Variants in KATNIP observed in about 807,000 individuals in gnomAD.
KATNIP encodes katanin interacting protein, also known as katanin-interacting protein.
Under a neutral mutation model 174.0 loss-of-function variants are expected in KATNIP, and 126 were observed. The observed-to-expected ratio is 0.72, with a 90% confidence interval of 0.63 to 0.84. The LOEUF is 0.84. Among genes scored for constraint, KATNIP ranks in the 40% least tolerant of loss-of-function variants. The pLI, the probability that KATNIP is intolerant of heterozygous loss-of-function variation, is 0.00. For missense variants in KATNIP, 1,958 were observed against 2,109.7 expected, an observed-to-expected ratio of 0.93 and a Z score of 1.41; for synonymous variants, 810 against 835.7, an observed-to-expected ratio of 0.97 and a Z score of 0.53.
intron 5 of KATNIP, among the ~76,000 whole-genome samples, chr16:27,645,343 G>A (rs2076927739): frequency 1.3e-5 from 2 of 152,136 alleles, no homozygotes; most frequent in East Asian, 1.9e-4. Context: ...TTTGGAAACC[G>A]GGCTCAGGGA....
At chr16:27,756,913 T>C (rs929415997) in intron 18 of KATNIP, among the ~76,000 whole-genome samples, 11 of 152,266 alleles carry the variant, frequency 7.2e-5, no homozygotes, top group African/African-American at 2.4e-4. Flanking sequence ...ACACCATCCA[T>C]GTGGAAAGTC....
At chr16:27,655,824 TCA>T (rs1381654746) in intron 6 of KATNIP, among the ~76,000 whole-genome samples, 1 of 152,170 alleles carries the variant, frequency 6.6e-6, no homozygotes, top group African/African-American at 2.4e-5. Context: ...TCCTTACAAT[TCA>T]CAGTCACAGG....
At chr16:27,722,978 G>T (rs553614606) in intron 14 of KATNIP, among the ~76,000 whole-genome samples, 2 of 152,180 alleles carry the variant, frequency 1.3e-5, no homozygotes, top group South Asian at 4.1e-4. Context: ...AAAGGAGCCC[G>T]CCTCAGGCTG....
chr16:27,626,412 A>G (rs2076335092), intron 3 of KATNIP, among the ~76,000 whole-genome samples: 1 of 152,204 alleles, frequency 6.6e-6, no homozygotes, highest in African/African-American at 2.4e-5. Context: ...GACCAAACAT[A>G]TGGCATTTTC....
At position 27,779,365 on chromosome 16, in the gene KATNIP, C is replaced by T. The variant is rs1039166301; in HGVS notation, c.*736C>T. 2.6e-5 allele frequency: 4 copies of T among 152,492 alleles called. No homozygotes were observed. Among genetic ancestry groups the T allele is most frequent in the African/African-American group, 7.2e-5 (3 of 41,464 alleles). 9.4% of individuals were successfully genotyped at this position (152,492 alleles called of 1,614,324 possible). A position where few individuals can be genotyped will look rare whatever the true frequency, so the allele number is the denominator to read the frequency against. ...CCACTCTGGCAGGCCAGGGTATCAT[C>T]TGCGTGCTGCTGCCGGGCCAGGAAG... On this transcript the variant is annotated 3_prime_UTR_variant, in exon 28 of 28. Transcript: ENST00000261588.
intron 3 of KATNIP, among the ~76,000 whole-genome samples, chr16:27,618,802 C>A (rs914312324): frequency 3.3e-5 from 5 of 152,210 alleles, no homozygotes; most frequent in African/African-American, 1.2e-4. Flanking sequence ...AGGGCTTGTG[C>A]AAGAACCACC....
chr16:27,770,081 G>T, intron 21 of KATNIP, 63 bp downstream of exon 21: 1 of 1,565,178 alleles, frequency 6.4e-7, no homozygotes. Context: ...TGCTTTGCAA[G>T]TTGCTCTGAT....
At chr16:27,743,462 T>C (rs1234406597) in intron 15 of KATNIP, among the ~76,000 whole-genome samples, 1 of 152,150 alleles carries the variant, frequency 6.6e-6, no homozygotes, top group Non-Finnish European at 1.5e-5. Flanking sequence ...TTTTTGCTGC[T>C]CACCCCTTCT....
Position 27,637,102 on chromosome 16 carries a change from A to G in KATNIP, c.408+5940A>G, listed in dbSNP as rs1348588419. On this transcript the variant is annotated intron_variant, in intron 5 of 27. Coordinates refer to ENST00000261588, the MANE Select transcript of KATNIP (RefSeq NM_015202.5). The surrounding 1 kb of genome is among the most constrained non-coding windows in gnomAD (Gnocchi z 4.7). ...TTAATGAGGGCAATTAATGAGGATCAGTGGGGTCTGTGTTTGGAGAGAAGC... is the reference window on the plus strand; with the variant it reads ...TTAATGAGGGCAATTAATGAGGATCGGTGGGGTCTGTGTTTGGAGAGAAGC... Among the ~76,000 whole-genome samples the G allele has an allele frequency of 2.6e-5, 4 of 152,196 alleles. No homozygotes were observed. The highest frequency in any genetic ancestry group is 3.9e-4 in the East Asian group (2 of 5,180).
intron 1 of KATNIP, among the ~76,000 whole-genome samples, chr16:27,570,830 C>G (rs1424601900): frequency 1.3e-5 from 2 of 151,884 alleles, no homozygotes; most frequent in African/African-American, 4.8e-5. Flanking sequence ...TAGGCAAATA[C>G]TAGTATACAG....
rs142725579 is a variant in KATNIP, at chr16:27,597,556, C to T, written c.64-20869C>T. On this transcript the variant is annotated intron_variant, in intron 2 of 27. Transcript: ENST00000261588. ...CTTGATGTTATCTGCTCTTTTATTT[C>T]TTAACCTGTTGCATCGGATTCCCTG... Among the ~76,000 whole-genome samples, 33 of 152,072 alleles carry T rather than the reference C, an allele frequency of 2.2e-4. 1 individual carries two copies. The highest frequency in any genetic ancestry group is 6.5e-4 in the Admixed American group (10 of 15,278).
rs147859737 is a variant in KATNIP at position 27,741,187 on chromosome 16, T to G, written c.2623+267T>G. On this transcript the variant is annotated intron_variant, in intron 15 of 27. Coordinates refer to ENST00000261588, the MANE Select transcript of KATNIP (RefSeq NM_015202.5). ...CTTTGCCCATTTTTCTTGCAACACA[T>G]GGCTTTTCCAAGCCATTTTCCAAAA... 2.4e-3 allele frequency among the ~76,000 whole-genome samples: 370 copies of G among 152,344 alleles called. 2 individuals carry two copies. Among genetic ancestry groups the G allele is most frequent in the Non-Finnish European group, 4.3e-3 (291 of 68,026 alleles).
chr16:27,626,761 A>G (rs1390356368), intron 3 of KATNIP, among the ~76,000 whole-genome samples: 7 of 152,100 alleles, frequency 4.6e-5, no homozygotes, highest in Admixed American at 2.6e-4. Context: ...AGCCTGGCCA[A>G]CATGGTGAAA....
rs765813313 is a variant in KATNIP at position 27,761,413 on chromosome 16, G to A, written c.3632G>A (p.Cys1211Tyr). ...TPEPGIYHGI[C>Y]LQLNFTASWG... ...TGGGCCACTTCTCTTCCTGTTGCAG[G>A]CCTTCAGCTGAATTTCACTGCCTCC... Residue 1211 changes from cysteine (C) to tyrosine (Y), a missense_variant and splice_region_variant, in exon 19 of 28, where the codon TGC becomes TAC. Cys to Tyr is a radical substitution (Grantham distance 194). Coordinates refer to ENST00000261588, the MANE Select transcript of KATNIP (RefSeq NM_015202.5). 1 of 1,605,628 alleles carries A rather than the reference G, an allele frequency of 6.2e-7. No homozygotes were observed. The highest frequency in any genetic ancestry group is 1.7e-5 in the Admixed American group (1 of 58,268).
chr16:27,553,908 T>A (rs866807479), intron 1 of KATNIP, among the ~76,000 whole-genome samples: 30 of 148,592 alleles, frequency 2.0e-4, no homozygotes, highest in African/African-American at 6.2e-4. Flanking sequence ...GAGCCATGAC[T>A]GTGCCACTGC....
At chr16:27,581,285 A>G (rs149842175) in intron 2 of KATNIP, among the ~76,000 whole-genome samples, 8 of 152,372 alleles carry the variant, frequency 5.3e-5, no homozygotes, top group African/African-American at 1.9e-4. Flanking sequence ...ATCCCTGTGC[A>G]CATAGGAATA....
At position 27,778,513 on chromosome 16, in the gene KATNIP, G is replaced by A. The variant is rs2082585859; in HGVS notation, c.4802-61G>A. On this transcript the variant is annotated intron_variant, in intron 27 of 27. Transcript: ENST00000261588. ...CTGCTGGATTTCACTGGGGAGTGTG[G>A]GGCACCCCTCCAGGGTTTGAGACTT... 3.2e-6 allele frequency: 5 copies of A among 1,543,638 alleles called. No homozygotes were observed. The Admixed American group carries it at 6.9e-5, about 21-fold the overall frequency.
At chr16:27,640,347 T>G (rs1044384060) in intron 5 of KATNIP, among the ~76,000 whole-genome samples, 2 of 152,190 alleles carry the variant, frequency 1.3e-5, no homozygotes, top group African/African-American at 4.8e-5. Context: ...CATCATCCCT[T>G]GCAAGGGCGT....
chr16:27,553,575 G>A (rs1200749670), intron 1 of KATNIP, among the ~76,000 whole-genome samples: 1 of 152,172 alleles, frequency 6.6e-6, no homozygotes, highest in African/African-American at 2.4e-5. Flanking sequence ...ACCGCTTTGG[G>A]AGGCCAAGAC....
Sources: gnomAD v4.1 joint callset for allele counts (sites outside exome capture counted in the v4.1 genomes callset) on GRCh38, gnomAD v4.1.1 for gene constraint, Gnocchi (gnomAD v3.1) non-coding constraint, MANE v1.5 for transcripts, NCBI Gene and HGNC (gene_info 2026-07-23, HGNC 2026-07-21) for gene names.